Variants in DLC1 observed in about 807,000 individuals in gnomAD.
DLC1 encodes rho GTPase-activating protein 7.
DLC1 carries 54 observed loss-of-function variants against 140.3 expected under a neutral mutation model. The observed-to-expected ratio is 0.38, with a 90% CI of 0.31 to 0.48. DLC1 has a LOEUF of 0.48. DLC1 is among the 20% of genes least tolerant of loss of function. The pLI, the probability that DLC1 is intolerant of heterozygous loss-of-function variation, is 0.96. For missense variants in DLC1, 2,536 were observed against 1,907.0 expected, an observed-to-expected ratio of 1.33 and a Z score of -6.14; for synonymous variants, 986 against 728.1, an observed-to-expected ratio of 1.35 and a Z score of -5.70.
chr8:13,261,960 G>T (rs962318425), intron 5 of DLC1, among the ~76,000 whole-genome samples: 1 of 152,224 alleles, frequency 6.6e-6, no homozygotes, highest in South Asian at 2.1e-4. Flanking sequence ...GTGTCTAATA[G>T]GTGTTTAGCT....
rs201536138 is a variant in DLC1, at chr8:13,295,818, T to C, written c.1348+9451A>G. Reference sequence around the variant, plus strand: ...AAACTAGGATCAATCAACACTTTTCTTGTGGGTACGTATTTGTGTATATAT... The same window carrying C: ...AAACTAGGATCAATCAACACTTTTCCTGTGGGTACGTATTTGTGTATATAT... On this transcript the variant is annotated intron_variant, in intron 5 of 17. Coordinates refer to ENST00000276297, the MANE Select transcript of DLC1 (RefSeq NM_182643.3). 8.5e-5 allele frequency among the ~76,000 whole-genome samples: 13 copies of C among 152,278 alleles called. No homozygotes were observed. In the East Asian group the frequency reaches 1.9e-3, roughly 23 times the overall value.
At position 13,521,223 on chromosome 8, in the gene DLC1, G is replaced by A. The variant is rs144432933; in HGVS notation, c.-125-21027C>T. On this transcript the variant is annotated intron_variant, in intron 1 of 1. Transcript: ENST00000631382. ...CAATGAAAGAACATGGACACAGGGA[G>A]GGGAACATCACCCACTGGGGCCTGT... 2.6e-5 allele frequency among the ~76,000 whole-genome samples: 4 copies of A among 152,172 alleles called. No individual in the cohort carries two copies. The East Asian group carries it at 7.8e-4, about 29-fold the overall frequency.
chr8:13,387,340 A>G (rs1323312399), intron 4 of DLC1, among the ~76,000 whole-genome samples: 1 of 152,076 alleles, frequency 6.6e-6, no homozygotes. Flanking sequence ...GAAAATCACC[A>G]GTCTTCTTAA....
chr8:13,166,879 G>A (rs1454899332), intron 5 of DLC1, among the ~76,000 whole-genome samples: 1 of 152,176 alleles, frequency 6.6e-6, no homozygotes, highest in Admixed American at 6.5e-5. Flanking sequence ...GCTGGGAATT[G>A]GTGCCCTGTG....
intron 2 of DLC1, among the ~76,000 whole-genome samples, chr8:13,438,704 C>G (rs776133243): frequency 7.2e-5 from 11 of 152,166 alleles, no homozygotes; most frequent in Non-Finnish European, 1.3e-4. Flanking sequence ...TTTTCACAGG[C>G]TCACTTCCCC....
At chr8:13,244,028 A>T (rs1829652926) in intron 5 of DLC1, among the ~76,000 whole-genome samples, 1 of 152,148 alleles carries the variant, frequency 6.6e-6, no homozygotes, top group Non-Finnish European at 1.5e-5. Context: ...CCATTCCTTC[A>T]AGCACCCAAG....
intron 4 of DLC1, among the ~76,000 whole-genome samples, chr8:13,308,857 C>A (rs1405999210): frequency 1.3e-5 from 2 of 152,052 alleles, no homozygotes; most frequent in Non-Finnish European, 2.9e-5. Flanking sequence ...TTCTTCTCAT[C>A]CTTGGTTTCT....
intron 5 of DLC1, among the ~76,000 whole-genome samples, chr8:13,287,996 T>A (rs1386868938): frequency 3.3e-5 from 5 of 152,140 alleles, no homozygotes; most frequent in African/African-American, 1.2e-4. Context: ...TCATACGTTA[T>A]CTTTATAAAG....
intron 4 of DLC1, among the ~76,000 whole-genome samples, chr8:13,317,779 G>A (rs1345800984): frequency 1.3e-5 from 2 of 152,176 alleles, no homozygotes; most frequent in Admixed American, 6.5e-5. Flanking sequence ...CAGAAGTTGA[G>A]AAGAGTGGAA....
At chr8:13,454,358 C>T (rs1187913586) in intron 2 of DLC1, among the ~76,000 whole-genome samples, 2 of 152,036 alleles carry the variant, frequency 1.3e-5, no homozygotes, top group Non-Finnish European at 2.9e-5. Context: ...TCCTGTCTTC[C>T]TAAAATACTA....
At chr8:13,103,359 T>C (rs1403666180) in intron 7 of DLC1, among the ~76,000 whole-genome samples, 4 of 150,604 alleles carry the variant, frequency 2.7e-5, no homozygotes, top group Admixed American at 2.0e-4. Context: ...AATAAATAAA[T>C]ACCTTTATGT....
intron 5 of DLC1, among the ~76,000 whole-genome samples, chr8:13,176,395 C>T (rs10104785): frequency 6.6e-6 from 1 of 151,808 alleles, no homozygotes; most frequent in Non-Finnish European, 1.5e-5. Context: ...TGGCTAACAC[C>T]GTGAAACCCC....
At chr8:13,361,187 A>T (rs934391524) in intron 4 of DLC1, among the ~76,000 whole-genome samples, 82 of 152,252 alleles carry the variant, frequency 5.4e-4, no homozygotes, top group African/African-American at 2.0e-3. Context: ...AGCCTTAATT[A>T]TACCACTGCA....
intron 5 of DLC1, among the ~76,000 whole-genome samples, chr8:13,281,127 T>G (rs1831352177): frequency 6.6e-6 from 1 of 152,230 alleles, no homozygotes; most frequent in Non-Finnish European, 1.5e-5. Flanking sequence ...CTAGCGTGTA[T>G]GTTATATGCC....
At chr8:13,430,022 C>A (rs755935466) in intron 2 of DLC1, among the ~76,000 whole-genome samples, 20 of 152,108 alleles carry the variant, frequency 1.3e-4, no homozygotes, top group Non-Finnish European at 2.9e-4. Context: ...CTTAAGAAAT[C>A]CTTTTAAAAA....
chr8:13,462,756 TTATATC>T (rs1288166593), intron 2 of DLC1, among the ~76,000 whole-genome samples: 2 of 152,156 alleles, frequency 1.3e-5, no homozygotes, highest in African/African-American at 4.8e-5. Flanking sequence ...TGTCTGTTCT[TTATATC>T]TAAGTTAAAC....
intron 1 of DLC1, among the ~76,000 whole-genome samples, chr8:13,564,257 A>C (rs1433427127): frequency 6.6e-6 from 1 of 152,228 alleles, no homozygotes; most frequent in Non-Finnish European, 1.5e-5. Flanking sequence ...GATAAAGAAC[A>C]AGTACTGAAC....
At chr8:13,455,035 A>C (rs1442888910) in intron 2 of DLC1, among the ~76,000 whole-genome samples, 2 of 152,148 alleles carry the variant, frequency 1.3e-5, no homozygotes, top group African/African-American at 4.8e-5. Context: ...GTAGACTTGC[A>C]ACAAATGTTT....
intron 5 of DLC1, among the ~76,000 whole-genome samples, chr8:13,149,245 G>T (rs777134988): frequency 6.6e-6 from 1 of 152,042 alleles, no homozygotes; most frequent in Non-Finnish European, 1.5e-5. Context: ...TCCCACCCTG[G>T]AATCAAGCTC....
Sources: allele counts gnomAD v4.1 joint callset (sites outside exome capture counted in the v4.1 genomes callset), GRCh38; gene constraint gnomAD v4.1.1; transcripts MANE v1.5; gene names NCBI Gene and HGNC (gene_info 2026-07-23, HGNC 2026-07-21).